SORCS1: variants seen among roughly 807,000 people sequenced by gnomAD.
SORCS1 encodes sortilin related VPS10 domain containing receptor 1.
SORCS1 carries 60 observed loss-of-function variants against 146.1 expected under a neutral mutation model. The ratio of observed to expected loss-of-function variants is 0.41; its 90% confidence interval spans 0.33 to 0.51. The LOEUF (loss-of-function observed/expected upper bound fraction) is 0.51, where lower values mean the gene tolerates loss of function less well. Ranked by LOEUF, SORCS1 falls within the 20% of genes least tolerant of loss-of-function variation. The pLI is 0.21. For synonymous variants in SORCS1, 637 were observed against 584.0 expected (o/e 1.09, Z -1.31); for missense variants, 1,352 against 1,487.6 (o/e 0.91, Z 1.50).
chr10:106,775,780 G>C (rs1457249394), intron 4 of SORCS1, among the ~76,000 whole-genome samples: 1 of 152,092 alleles, frequency 6.6e-6, no homozygotes, highest in South Asian at 2.1e-4. Flanking sequence ...TGTAAATGCT[G>C]TTTCTTTTCA....
chr10:107,156,147 C>A (rs1431956546), intron 1 of SORCS1, among the ~76,000 whole-genome samples: 3 of 152,170 alleles, frequency 2.0e-5, no homozygotes, highest in Non-Finnish European at 4.4e-5. Flanking sequence ...AAGAGCTCCC[C>A]TACCACCCCA....
At chr10:106,658,484 TA>T (rs990828327) in intron 17 of SORCS1, among the ~76,000 whole-genome samples, 4 of 150,894 alleles carry the variant, frequency 2.7e-5, no homozygotes, top group East Asian at 1.9e-4. Flanking sequence ...GCACTCACAA[TA>T]AAAAAAAAGC....
chr10:106,818,311 G>T (rs1000322547), intron 3 of SORCS1, among the ~76,000 whole-genome samples: 8 of 151,592 alleles, frequency 5.3e-5, no homozygotes, highest in African/African-American at 1.9e-4. Context: ...AAAGTTTATT[G>T]CACCTGAAAA....
chr10:106,731,042 G>A (rs1018539408), intron 5 of SORCS1, among the ~76,000 whole-genome samples: 8 of 152,078 alleles, frequency 5.3e-5, no homozygotes, highest in Non-Finnish European at 1.2e-4. Flanking sequence ...GGGCGTGGTG[G>A]CTCACGCCTG....
chr10:107,075,333 T>C (rs1962781651), intron 1 of SORCS1, among the ~76,000 whole-genome samples: 1 of 152,192 alleles, frequency 6.6e-6, no homozygotes, highest in African/African-American at 2.4e-5. Context: ...AACTTTTGTA[T>C]GATGAAACGG....
intron 1 of SORCS1, among the ~76,000 whole-genome samples, chr10:107,006,278 C>A (rs991905571): frequency 3.9e-5 from 6 of 152,106 alleles, no homozygotes; most frequent in African/African-American, 1.4e-4. Context: ...CCAGCTAGCC[C>A]TGTGCTTAGC....
chr10:107,123,538 T>C (rs201597068), intron 1 of SORCS1, among the ~76,000 whole-genome samples: 1 of 152,204 alleles, frequency 6.6e-6, no homozygotes, highest in African/African-American at 2.4e-5. Context: ...CATAAGTTAA[T>C]GCTGCAAATA....
intron 18 of SORCS1, among the ~76,000 whole-genome samples, chr10:106,631,013 A>G (rs531112361): frequency 3.2e-4 from 49 of 152,390 alleles, no homozygotes; most frequent in African/African-American, 1.2e-3. Flanking sequence ...AGAAAAAAAC[A>G]AAAACCTTTG....
chr10:106,819,483 T>A (rs1432851009), intron 3 of SORCS1, among the ~76,000 whole-genome samples: 1 of 152,140 alleles, frequency 6.6e-6, no homozygotes, highest in Non-Finnish European at 1.5e-5. Flanking sequence ...AAATAGGTGC[T>A]GAGTTGGTAT....
At chr10:107,006,144 A>C (rs1414596988) in intron 1 of SORCS1, among the ~76,000 whole-genome samples, 3 of 152,208 alleles carry the variant, frequency 2.0e-5, no homozygotes, top group African/African-American at 7.2e-5. Context: ...TACTCAATAC[A>C]TACTTATTGA....
intron 5 of SORCS1, among the ~76,000 whole-genome samples, chr10:106,744,618 AT>A (rs1264529443): frequency 1.3e-5 from 2 of 152,128 alleles, no homozygotes; most frequent in Admixed American, 6.5e-5. Flanking sequence ...TTTTTCATGT[AT>A]TTTTTAATTG....
chr10:106,770,018 A>G (rs181262193), intron 4 of SORCS1, among the ~76,000 whole-genome samples: 106 of 152,304 alleles, frequency 7.0e-4, no homozygotes, highest in African/African-American at 2.5e-3. Context: ...GCTGGAACCC[A>G]GGAAGCAGAG....
intron 2 of SORCS1, among the ~76,000 whole-genome samples, chr10:106,897,187 GTT>G (rs1355475918): frequency 6.7e-6 from 1 of 148,596 alleles, no homozygotes; most frequent in Non-Finnish European, 1.5e-5. Flanking sequence ...GGCCTGTTTT[GTT>G]TGTTTTTTAA....
At chr10:107,095,955 A>T (rs897850490) in intron 1 of SORCS1, among the ~76,000 whole-genome samples, 4 of 147,318 alleles carry the variant, frequency 2.7e-5, no homozygotes, top group East Asian at 1.9e-4. Flanking sequence ...AATTTGCATT[A>T]AAAAAAAACA....
At chr10:107,102,203 A>G (rs185678046) in intron 1 of SORCS1, among the ~76,000 whole-genome samples, 12 of 152,336 alleles carry the variant, frequency 7.9e-5, no homozygotes, top group African/African-American at 2.9e-4. Context: ...AGGACTTGTC[A>G]TTATCGAGCC....
At chr10:106,689,334 C>A (rs995327982) in intron 9 of SORCS1, among the ~76,000 whole-genome samples, 1 of 152,160 alleles carries the variant, frequency 6.6e-6, no homozygotes, top group Non-Finnish European at 1.5e-5. Flanking sequence ...AACTGGAGGG[C>A]AGTGAGGAAA....
chr10:107,105,381 A>T (rs1965235966), intron 1 of SORCS1, among the ~76,000 whole-genome samples: 1 of 152,214 alleles, frequency 6.6e-6, no homozygotes, highest in African/African-American at 2.4e-5. Context: ...AAGGAAGTTT[A>T]TTAAGGAGTA....
At chr10:106,876,753 T>G (rs575521119) in intron 2 of SORCS1, among the ~76,000 whole-genome samples, 1 of 152,342 alleles carries the variant, frequency 6.6e-6, no homozygotes, top group African/African-American at 2.4e-5. Context: ...ATTACTTAAT[T>G]CGTTCAGTCT....
At chr10:106,881,871 T>C (rs1336493328) in intron 2 of SORCS1, among the ~76,000 whole-genome samples, 1 of 152,226 alleles carries the variant, frequency 6.6e-6, no homozygotes, top group Non-Finnish European at 1.5e-5. Flanking sequence ...GAACATTCTA[T>C]TGTATGCCAT....
Sources: gnomAD v4.1 joint callset for allele counts (sites outside exome capture counted in the v4.1 genomes callset) on GRCh38, gnomAD v4.1.1 for gene constraint, MANE v1.5 for transcripts, NCBI Gene and HGNC (gene_info 2026-07-23, HGNC 2026-07-21) for gene names.